UTP25: variants seen among roughly 807,000 people sequenced by gnomAD.
UTP25 encodes U3 small nucleolar RNA-associated protein 25 homolog.
In UTP25, 50 loss-of-function variants were observed where a neutral mutation model predicts 78.9. The observed-to-expected ratio is 0.63, with a 90% CI of 0.50 to 0.80. UTP25 has a LOEUF of 0.80. Among genes scored for constraint, UTP25 ranks in the 30% least tolerant of loss-of-function variants. UTP25 has a pLI of 0.00. For synonymous variants in UTP25, 329 were observed against 336.5 expected (o/e 0.98, Z 0.24); for missense variants, 846 against 911.3 (o/e 0.93, Z 0.92).
chr1:209,831,879 T>C (rs146930599), intron 3 of UTP25, among the ~76,000 whole-genome samples: 3 of 152,348 alleles, frequency 2.0e-5, no homozygotes, highest in Admixed American at 2.0e-4. Context: ...ATTTGTGTTG[T>C]GCATGTATTA....
intron 10 of UTP25, chr1:209,843,229 A>G: frequency 3.4e-6 from 2 of 581,422 alleles, no homozygotes; most frequent in South Asian, 4.2e-5. Flanking sequence ...ATATAATGGT[A>G]TTACATCTGT....
intron 11 of UTP25, among the ~76,000 whole-genome samples, chr1:209,845,590 G>A (rs1320671162): frequency 6.6e-6 from 1 of 152,152 alleles, no homozygotes; most frequent in African/African-American, 2.4e-5. Context: ...AAGCCATGTT[G>A]CCCTCAAAGT....
Position 209,836,950 on chromosome 1 carries a change from T to G in UTP25, c.801T>G (p.Gly267=). 6.2e-7 allele frequency: 1 copy of G among 1,613,996 alleles called. No individual in the cohort carries two copies. The highest frequency in any genetic ancestry group is 8.5e-7 in the Non-Finnish European group (1 of 1,179,990). ...AGACCAACAGCCAGTTCCTATCTGG[T>G]CCCCAAAAATCAAGCAGCCCATTCA... ...WTKTNSQFLS[G]PQKSSSPFTP... The change falls in exon 6 of 12, where the codon GGT becomes GGG. Residue 267 remains glycine (G), a synonymous_variant. Transcript: ENST00000491415.
At chr1:209,846,815 T>G (rs1303381081) in intron 11 of UTP25, among the ~76,000 whole-genome samples, 1 of 152,212 alleles carries the variant, frequency 6.6e-6, no homozygotes, top group Non-Finnish European at 1.5e-5. Flanking sequence ...GTGGTTGCAT[T>G]GGGACTGAGA....
Position 209,855,057 on chromosome 1 carries a change from G to C in UTP25, c.*3610G>C, listed in dbSNP as rs2078265534. ...CAGTCAACTTTTAATTAGAGTCAAT[G>C]AATGGGGAGTAAATACACAGATAAT... On this transcript the variant is annotated 3_prime_UTR_variant, in exon 12 of 12. Transcript: ENST00000491415. 2 of 152,198 alleles carry C rather than the reference G, an allele frequency of 1.3e-5. No homozygotes were observed. The highest frequency in any genetic ancestry group is 2.4e-5 in the African/African-American group (1 of 41,436). 9.4% of individuals were successfully genotyped at this position (152,198 alleles called of 1,614,324 possible). A position where few individuals can be genotyped will look rare whatever the true frequency, so the allele number is the denominator to read the frequency against.
At chr1:209,830,030 C>T in intron 1 of UTP25, 78 bp from the exon 2 acceptor site, 1 of 1,289,112 alleles carries the variant, frequency 7.8e-7, no homozygotes. Flanking sequence ...CTGCCTTTTT[C>T]ATTTAACATC....
At position 209,855,427 on chromosome 1, in the gene UTP25, G is replaced by C. The variant is rs1192619222; in HGVS notation, c.*3980G>C. The C allele has an allele frequency of 6.6e-6, 1 of 152,232 alleles. No homozygotes were observed. Among genetic ancestry groups the C allele is most frequent in the African/African-American group, 2.4e-5 (1 of 41,430 alleles). 9.4% of individuals were successfully genotyped at this position (152,232 alleles called of 1,614,324 possible). A position where few individuals can be genotyped will look rare whatever the true frequency, so the allele number is the denominator to read the frequency against. ...CCATTATTCCTATGGTAGATAAAGG[G>C]GATGAGAAAGAACAGAGCTCCAGGC... On this transcript the variant is annotated 3_prime_UTR_variant, in exon 12 of 12. Coordinates refer to ENST00000491415, the MANE Select transcript of UTP25 (RefSeq NM_014388.7).
rs1257837212 is a variant in UTP25, at chr1:209,857,162, C to T, written c.*5715C>T. ...GGATGGGGTGCTCATTGTGGCTTTT[C>T]TAATCATCTCTGATTGTTAGAAACA... On this transcript the variant is annotated 3_prime_UTR_variant, in exon 12 of 12. Coordinates refer to ENST00000491415, the MANE Select transcript of UTP25 (RefSeq NM_014388.7). 6.6e-6 allele frequency: 1 copy of T among 152,046 alleles called. No homozygotes were observed. Among genetic ancestry groups the T allele is most frequent in the African/African-American group, 2.4e-5 (1 of 41,390 alleles). The allele number at this position is 152,046 out of a possible 1,614,324, so 9.4% of individuals were successfully genotyped here.
chr1:209,843,501 T>C lies in UTP25; in HGVS notation c.1832T>C (p.Met611Thr), dbSNP rs1447868633. 4.3e-6 allele frequency: 7 copies of C among 1,614,190 alleles called. No individual in the cohort carries two copies. The highest frequency in any genetic ancestry group is 5.9e-6 in the Non-Finnish European group (7 of 1,180,016). ...KILPQYRDAVMSHTLIYIPSY... is the reference protein window; with the variant it reads ...KILPQYRDAVTSHTLIYIPSY... Reference sequence around the variant, plus strand: ...TTGCCACAGTATCGTGATGCAGTCATGTCTCACACGCTCATCTATATCCCC... The same window carrying C: ...TTGCCACAGTATCGTGATGCAGTCACGTCTCACACGCTCATCTATATCCCC... Residue 611 changes from methionine to threonine, a missense_variant, in exon 11 of 12, where the codon ATG (methionine) becomes ACG (threonine). Physicochemically the swap from Met to Thr is moderately conservative, Grantham distance 81. Transcript: ENST00000491415.
chr1:209,833,413 T>C, intron 4 of UTP25, 55 bp downstream of exon 4: 1 of 1,428,024 alleles, frequency 7.0e-7, no homozygotes. Context: ...ATGGAATTTG[T>C]GTACTAATAC....
At chr1:209,834,274 T>C (rs771554134) in intron 4 of UTP25, among the ~76,000 whole-genome samples, 4 of 152,234 alleles carry the variant, frequency 2.6e-5, no homozygotes, top group Admixed American at 2.0e-4. Context: ...TAATACAAGA[T>C]GCATTTCATT....
chr1:209,841,117 G>A (rs2078165120), intron 8 of UTP25, 62 bp downstream of exon 8: 2 of 1,557,614 alleles, frequency 1.3e-6, no homozygotes, highest in East Asian at 4.5e-5. Flanking sequence ...AAGACACCCA[G>A]TGGTTTAAGT....
rs758845992 is a variant in UTP25, at chr1:209,835,070, A to G, written c.563-5A>G. The G allele has an allele frequency of 1.2e-5, 20 of 1,611,940 alleles. No homozygotes were observed. The East Asian group carries it at 3.6e-4, about 29-fold the overall frequency. ...GTGTGCTGACATTTTTTATTTCTGA[A>G]TTAGATCCATTTCTTCAACATGTGA... On this transcript the variant is annotated splice_polypyrimidine_tract_variant and splice_region_variant and intron_variant, in intron 4 of 11. Coordinates refer to ENST00000491415, the MANE Select transcript of UTP25 (RefSeq NM_014388.7).
chr1:209,844,845 C>A (rs1188012774), intron 11 of UTP25, among the ~76,000 whole-genome samples: 1 of 152,014 alleles, frequency 6.6e-6, no homozygotes, highest in African/African-American at 2.4e-5. Context: ...ATGTAAAAGG[C>A]TTTTTTTAAC....
At chr1:209,840,748 A>T (rs654470) in intron 7 of UTP25, 105 bp from the exon 8 acceptor site, 827,579 of 1,058,046 alleles carry the variant, frequency 0.78, 324,790 homozygotes, top group African/African-American at 0.93. Flanking sequence ...AAGAGGAACA[A>T]AAGAGATGTG....
At chr1:209,834,296 T>C (rs2078119980) in intron 4 of UTP25, among the ~76,000 whole-genome samples, 3 of 152,248 alleles carry the variant, frequency 2.0e-5, no homozygotes, top group Admixed American at 6.5e-5. Context: ...GAAATTTTAC[T>C]GTTTGGATGC....
At position 209,840,921 on chromosome 1, in the gene UTP25, TC is replaced by T. The variant is rs769364542; in HGVS notation, c.1357del (p.Leu453TrpfsTer3). On this transcript the variant is annotated frameshift_variant, in exon 8 of 12. Coordinates refer to ENST00000491415, the MANE Select transcript of UTP25 (RefSeq NM_014388.7). LOFTEE classifies it high-confidence loss of function. ...PFYSSDILIA[S>X]PLGLRTIIGG... The stretch of plus-strand genomic sequence containing the variant: ...TTACTCCTCGGATATCCTCATTGCT[TC>T]CCCCCTGGGCTTGAGGACCATCATT... The T allele has an allele frequency of 2.5e-6, 4 of 1,613,778 alleles. No individual in the cohort carries two copies. Among genetic ancestry groups the T allele is most frequent in the Non-Finnish European group, 2.5e-6 (3 of 1,179,938 alleles).
intron 10 of UTP25, chr1:209,843,201 C>T: frequency 1.9e-6 from 1 of 529,064 alleles, no homozygotes; most frequent in Non-Finnish European, 3.4e-6. Flanking sequence ...TGTGTACTTC[C>T]TAGAGTAATT....
rs1194797402 is a variant in UTP25 at position 209,853,008 on chromosome 1, T to C, written c.*1561T>C. On this transcript the variant is annotated 3_prime_UTR_variant, in exon 12 of 12. Coordinates refer to ENST00000491415, the MANE Select transcript of UTP25 (RefSeq NM_014388.7). Reference sequence around the variant, plus strand: ...AATAACCCATGATTGGTACAGATTTTTTTTATCCTTGGGCACGCTTAAAAT... The same window carrying C: ...AATAACCCATGATTGGTACAGATTTCTTTTATCCTTGGGCACGCTTAAAAT... 3.3e-5 allele frequency: 5 copies of C among 152,198 alleles called. No homozygotes were observed. Among genetic ancestry groups the C allele is most frequent in the Non-Finnish European group, 7.3e-5 (5 of 68,030 alleles). 9.4% of individuals were successfully genotyped at this position (152,198 alleles called of 1,614,324 possible). A position where few individuals can be genotyped will look rare whatever the true frequency, so the allele number is the denominator to read the frequency against.
Sources: gnomAD v4.1 joint callset for allele counts (sites outside exome capture counted in the v4.1 genomes callset) on GRCh38, gnomAD v4.1.1 for gene constraint, MANE v1.5 for transcripts, NCBI Gene and HGNC (gene_info 2026-07-23, HGNC 2026-07-21) for gene names.